The following PSMD5 variants were observed in gnomAD, a reference collection of about 807,000 sequenced individuals.
PSMD5 encodes proteasome 26S subunit, non-ATPase 5, also known as 26S proteasome non-ATPase regulatory subunit 5.
In PSMD5, 40 loss-of-function variants were observed where a neutral mutation model predicts 52.1. The observed-to-expected ratio is 0.77, with a 90% CI of 0.60 to 1.00. The LOEUF (loss-of-function observed/expected upper bound fraction) is 1.00. PSMD5 is among the 50% of genes least tolerant of loss of function. The pLI is 0.00. For missense variants in PSMD5, 575 were observed against 605.2 expected, an observed-to-expected ratio of 0.95 and a Z score of 0.52; for synonymous variants, 211 against 226.6, an observed-to-expected ratio of 0.93 and a Z score of 0.62.
chr9:120,833,423 C>T lies in PSMD5; in HGVS notation c.207G>A (p.Glu69=), dbSNP rs7020227. Residue 69 remains glutamate (E), a synonymous_variant, in exon 2 of 10, where the codon GAG becomes GAA. Coordinates refer to ENST00000210313, the MANE Select transcript of PSMD5 (RefSeq NM_005047.4). ...EKTTLCVSIL[E]RLLQAMEPVH... is the part of the protein sequence containing the mutation. ...CCGGTTCCATAGCTTGGAGCAATCT[C>T]TCCAGAATGGATACACACAAAGTAG... 6.2e-7 allele frequency: 1 copy of T among 1,614,078 alleles called. No homozygotes were observed. Among genetic ancestry groups the T allele is most frequent in the Non-Finnish European group, 8.5e-7 (1 of 1,179,966 alleles).
intron 6 of PSMD5, among the ~76,000 whole-genome samples, chr9:120,826,215 C>T (rs762776682): frequency 1.3e-5 from 2 of 151,982 alleles, no homozygotes; most frequent in Non-Finnish European, 2.9e-5. Flanking sequence ...AGGATGGTCT[C>T]GATCACCTGA....
At chr9:120,825,423 T>G (rs961202536) in intron 6 of PSMD5, among the ~76,000 whole-genome samples, 1 of 152,196 alleles carries the variant, frequency 6.6e-6, no homozygotes, top group Admixed American at 6.5e-5. Flanking sequence ...TATGTATATT[T>G]AAAAATTATT....
intron 4 of PSMD5, 150 bp downstream of exon 4, chr9:120,831,181 A>G: frequency 1.2e-6 from 1 of 823,904 alleles, no homozygotes; most frequent in South Asian, 2.8e-5. Flanking sequence ...TGACTGTCTC[A>G]CATACTAGGC....
intron 5 of PSMD5, among the ~76,000 whole-genome samples, chr9:120,828,816 C>T (rs1456556289): frequency 6.6e-6 from 1 of 152,170 alleles, no homozygotes; most frequent in Non-Finnish European, 1.5e-5. Context: ...TTCAAAATGG[C>T]AGTTACCACA....
At chr9:120,835,737 A>T (rs35731886) in intron 1 of PSMD5, among the ~76,000 whole-genome samples, 18,726 of 152,080 alleles carry the variant, frequency 0.12, 1,315 homozygotes, top group Middle Eastern at 0.17. Flanking sequence ...CTCAAAAAAA[A>T]AAAATAAAAT....
At chr9:120,825,637 T>G (rs2131424511) in intron 6 of PSMD5, among the ~76,000 whole-genome samples, 1 of 152,288 alleles carries the variant, frequency 6.6e-6, no homozygotes. Flanking sequence ...ATCTTTCACC[T>G]CCTTAAATTT....
intron 5 of PSMD5, 36 bp downstream of exon 5, chr9:120,829,063 A>T (rs747446267): frequency 1.3e-6 from 2 of 1,522,114 alleles, no homozygotes; most frequent in East Asian, 4.7e-5. Context: ...GCCCTTCAAA[A>T]GAGGATATTT....
rs1285666875 is a variant in PSMD5 at position 120,828,965 on chromosome 9, T to TC, written c.671+133dup. 4 of 1,212,710 alleles carry TC rather than the reference T, an allele frequency of 3.3e-6. No homozygotes were observed. In the South Asian group the frequency reaches 8.3e-5, roughly 25 times the overall value. The allele number at this position is 1,212,710 out of a possible 1,614,324, so 75.1% of individuals were successfully genotyped here. ...ACTTGAACAATTTTCTAAAGATCCCTCCTTCAGGACACACATCAGTCATGA... is the reference window on the plus strand; with the variant it reads ...ACTTGAACAATTTTCTAAAGATCCCTCCCTTCAGGACACACATCAGTCATGA... On this transcript the variant is annotated intron_variant, in intron 5 of 9. Coordinates refer to ENST00000210313, the MANE Select transcript of PSMD5 (RefSeq NM_005047.4).
In PSMD5 at chr9:120,816,293, T is replaced by C. The variant is rs118023829; in HGVS notation, c.*1613A>G. 1 of 152,352 alleles carries C rather than the reference T, an allele frequency of 6.6e-6. No homozygotes were observed. The highest frequency in any genetic ancestry group is 1.9e-4 in the East Asian group (1 of 5,208). The allele number at this position is 152,352 out of a possible 1,614,324, so 9.4% of individuals were successfully genotyped here. ...AGATGAAAATAATTCTGAAGATGGA[T>C]GGTGGTGATGGTTGTACAACTTATG... On this transcript the variant is annotated 3_prime_UTR_variant, in exon 10 of 10. Coordinates refer to ENST00000210313, the MANE Select transcript of PSMD5 (RefSeq NM_005047.4).
At chr9:120,818,571 TA>T (rs1309756080) in intron 9 of PSMD5, among the ~76,000 whole-genome samples, 1 of 152,034 alleles carries the variant, frequency 6.6e-6, no homozygotes, top group Non-Finnish European at 1.5e-5. Context: ...TAGAAAAGAC[TA>T]ACCTCAAGAT....
At chr9:120,828,082 C>T (rs1222840190) in intron 5 of PSMD5, among the ~76,000 whole-genome samples, 2 of 152,078 alleles carry the variant, frequency 1.3e-5, no homozygotes, top group East Asian at 1.9e-4. Flanking sequence ...CTGCAATCTT[C>T]ACCTCCCGGG....
chr9:120,842,880 T>C lies in PSMD5; in HGVS notation c.30A>G (p.Arg10=). Reference sequence around the variant, plus strand: ...GCGGCGCTTCCAGCCTCGCTACCTCTCTCAGCAGCGCCAAAGCCTGGGCTG... The same window carrying C: ...GCGGCGCTTCCAGCCTCGCTACCTCCCTCAGCAGCGCCAAAGCCTGGGCTG... MAAQALALL[R]EVARLEAPLE... Residue 10 remains arginine (R), a synonymous_variant, in exon 1 of 10, where the codon AGA becomes AGG. Coordinates refer to ENST00000210313, the MANE Select transcript of PSMD5 (RefSeq NM_005047.4). 6.3e-7 allele frequency: 1 copy of C among 1,598,984 alleles called. No homozygotes were observed. Among genetic ancestry groups the C allele is most frequent in the South Asian group, 1.1e-5 (1 of 90,080 alleles).
At position 120,816,972 on chromosome 9, in the gene PSMD5, TC is replaced by T. The variant is rs2045047041; in HGVS notation, c.*933del. The T allele has an allele frequency of 6.6e-6, 1 of 151,668 alleles. No homozygotes were observed. The highest frequency in any genetic ancestry group is 2.4e-5 in the African/African-American group (1 of 41,242). 9.4% of individuals were successfully genotyped at this position (151,668 alleles called of 1,614,324 possible). On this transcript the variant is annotated 3_prime_UTR_variant, in exon 10 of 10. Transcript: ENST00000210313. Reference sequence around the variant, plus strand: ...AATGACAGTTTAGGAATCCTTCTGATCCCCCAAAACCACAACAGGGCAAAGT... The same window carrying T: ...AATGACAGTTTAGGAATCCTTCTGATCCCCAAAACCACAACAGGGCAAAGT...
chr9:120,834,868 G>A (rs2045187933), intron 1 of PSMD5, among the ~76,000 whole-genome samples: 2 of 152,234 alleles, frequency 1.3e-5, no homozygotes, highest in South Asian at 4.1e-4. Flanking sequence ...GAGCAGCAGT[G>A]AGGATAGAGA....
At chr9:120,835,081 T>C (rs981296603) in intron 1 of PSMD5, among the ~76,000 whole-genome samples, 1 of 152,236 alleles carries the variant, frequency 6.6e-6, no homozygotes, top group South Asian at 2.1e-4. Flanking sequence ...AAAATGAACA[T>C]ACTCTTTTAA....
chr9:120,817,795 CATG>C lies in PSMD5; in HGVS notation c.*108_*110del. On this transcript the variant is annotated 3_prime_UTR_variant, in exon 10 of 10. Transcript: ENST00000210313. The stretch of plus-strand genomic sequence containing the variant: ...GGTAACAAAGTAACATCTGACATTC[CATG>C]ATAATTCTTGGGGAAAGGAAGTCTC... 1.6e-6 allele frequency: 2 copies of C among 1,213,914 alleles called. No homozygotes were observed. The highest frequency in any genetic ancestry group is 2.3e-6 in the Non-Finnish European group (2 of 866,124). The allele number at this position is 1,213,914 out of a possible 1,614,324, so 75.2% of individuals were successfully genotyped here.
chr9:120,842,600 C>A, intron 1 of PSMD5, 137 bp downstream of exon 1: 1 of 1,063,086 alleles, frequency 9.4e-7, no homozygotes, highest in African/African-American at 1.6e-5. Context: ...AACCCAGGAT[C>A]CTTCCTTCTC....
At chr9:120,824,109 T>TAAAAA (rs34305055) in intron 7 of PSMD5, 55 of 111,800 alleles carry the variant, frequency 4.9e-4, no homozygotes, top group Non-Finnish European at 5.9e-4. Flanking sequence ...CTCAATCTCT[T>TAAAAA]AAAAAAAAAA....
rs778402266 is a variant in PSMD5 at position 120,831,341 on chromosome 9, C to G, written c.551G>C (p.Arg184Thr). The G allele has an allele frequency of 6.2e-7, 1 of 1,606,228 alleles. No individual in the cohort carries two copies. The highest frequency in any genetic ancestry group is 8.5e-7 in the Non-Finnish European group (1 of 1,177,608). The change falls in exon 4 of 10, where the codon AGG becomes ACG. Residue 184 changes from arginine (R) to threonine (T), a missense_variant. Transcript: ENST00000210313. ...TGCTTTTTATCTTACCTCATACACCCTGTATCGAACAATGTCATTTGTTTT... is the reference window on the plus strand; with the variant it reads ...TGCTTTTTATCTTACCTCATACACCGTGTATCGAACAATGTCATTTGTTTT... Reference protein sequence around the residue: ...VMKTNDIVRYRVYELIIEISS... With the variant: ...VMKTNDIVRYTVYELIIEISS...
Sources: allele counts gnomAD v4.1 joint callset (sites outside exome capture counted in the v4.1 genomes callset), GRCh38; gene constraint gnomAD v4.1.1; transcripts MANE v1.5; gene names NCBI Gene and HGNC (gene_info 2026-07-23, HGNC 2026-07-21).